Variants in LRRC37A2 observed in about 807,000 individuals in gnomAD.
LRRC37A2 encodes leucine-rich repeat-containing protein 37A2.
LRRC37A2 carries 9 observed loss-of-function variants against 68.8 expected under a neutral mutation model. The ratio of observed to expected loss-of-function variants is 0.13; its 90% CI spans 0.08 to 0.23. The LOEUF is 0.23. Ranked by LOEUF, LRRC37A2 falls within the 10% of genes least tolerant of loss-of-function variation. The probability of loss-of-function intolerance (pLI) is 1.00; values close to 1 mark genes in which losing one functional copy is unlikely to be tolerated. For missense variants in LRRC37A2, 168 were observed against 950.4 expected (o/e 0.18, Z 10.82); for synonymous variants, 63 against 367.6 (o/e 0.17, Z 9.48).
the LRRC37A2 span, among the ~76,000 whole-genome samples, chr17:46,954,754 T>C: frequency 6.6e-6 from 1 of 152,234 alleles, no homozygotes; most frequent in Non-Finnish European, 1.5e-5. Context: ...CCCTTGTAAA[T>C]TGGATTCCTA....
chr17:46,789,536 A>G, the LRRC37A2 span, among the ~76,000 whole-genome samples: 2 of 152,320 alleles, frequency 1.3e-5, no homozygotes, highest in African/African-American at 2.4e-5. Context: ...AACCTTCCCT[A>G]TGATGTTCTT....
chr17:46,798,333 C>T, the LRRC37A2 span, among the ~76,000 whole-genome samples: 2 of 152,286 alleles, frequency 1.3e-5, no homozygotes, highest in Admixed American at 6.5e-5. Context: ...CAGATGGACA[C>T]GACGGCCTAG....
chr17:46,723,165 T>C, the LRRC37A2 span, among the ~76,000 whole-genome samples: 2 of 152,210 alleles, frequency 1.3e-5, no homozygotes, highest in African/African-American at 4.8e-5. Context: ...TGCAGCCATA[T>C]AAGCTGTACA....
At chr17:47,015,690 G>C in the LRRC37A2 span, among the ~76,000 whole-genome samples, 2 of 152,194 alleles carry the variant, frequency 1.3e-5, no homozygotes, top group Non-Finnish European at 2.9e-5. Context: ...TATCATTTCA[G>C]TGGGAACTTA....
the LRRC37A2 span, among the ~76,000 whole-genome samples, chr17:46,982,009 A>G: frequency 2.0e-5 from 3 of 152,224 alleles, no homozygotes; most frequent in Admixed American, 1.3e-4. Context: ...CAAAATTATC[A>G]CTTTAAAGAT....
the LRRC37A2 span, chr17:46,932,018 C>G: frequency 3.1e-6 from 5 of 1,591,818 alleles, no homozygotes; most frequent in Admixed American, 8.3e-5. Context: ...CCCTCAGATT[C>G]TGCTGCCCTG....
chr17:47,023,997 C>A, the LRRC37A2 span, among the ~76,000 whole-genome samples: 1 of 152,126 alleles, frequency 6.6e-6, no homozygotes, highest in Non-Finnish European at 1.5e-5. Flanking sequence ...CACACTGGGG[C>A]TTCTGGAAAG....
chr17:46,712,583 T>C, the LRRC37A2 span, among the ~76,000 whole-genome samples: 1 of 152,190 alleles, frequency 6.6e-6, no homozygotes, highest in South Asian at 2.1e-4. Flanking sequence ...ATAGGAGAAG[T>C]AAATCGGAAA....
chr17:46,907,226 C>T, the LRRC37A2 span, among the ~76,000 whole-genome samples: 1 of 152,206 alleles, frequency 6.6e-6, no homozygotes, highest in Non-Finnish European at 1.5e-5. Flanking sequence ...TCTGATGCCT[C>T]TATGAGCCAC....
the LRRC37A2 span, chr17:46,872,834 G>A: frequency 6.7e-7 from 1 of 1,492,096 alleles, no homozygotes. Flanking sequence ...GGAGGAGGAG[G>A]CTGGGAGAGG....
At chr17:46,886,911 G>A in the LRRC37A2 span, among the ~76,000 whole-genome samples, 2 of 152,128 alleles carry the variant, frequency 1.3e-5, no homozygotes, top group Non-Finnish European at 2.9e-5. Flanking sequence ...CCACCTCCTA[G>A]GTTCAAGCAA....
chr17:46,835,404 G>A, the LRRC37A2 span, among the ~76,000 whole-genome samples: 2 of 151,966 alleles, frequency 1.3e-5, no homozygotes, highest in Admixed American at 1.3e-4. Flanking sequence ...TTAGAGACAG[G>A]GTTTCACCGT....
the LRRC37A2 span, among the ~76,000 whole-genome samples, chr17:46,778,803 C>A: frequency 1.3e-5 from 2 of 152,034 alleles, no homozygotes; most frequent in African/African-American, 4.8e-5. Flanking sequence ...ACTGCCCGGC[C>A]CCCGGCAACC....
At chr17:47,025,548 A>G in the LRRC37A2 span, among the ~76,000 whole-genome samples, 1 of 152,156 alleles carries the variant, frequency 6.6e-6, no homozygotes, top group Non-Finnish European at 1.5e-5. Flanking sequence ...TACCCTAAGA[A>G]GCACATCAGA....
chr17:46,770,161 G>A, the LRRC37A2 span: 10 of 1,382,222 alleles, frequency 7.2e-6, no homozygotes, highest in African/African-American at 8.7e-5. Flanking sequence ...GAGTTGAAGA[G>A]CTCACCAGCC....
At chr17:46,755,487 G>A in the LRRC37A2 span, 6 of 931,128 alleles carry the variant, frequency 6.4e-6, no homozygotes, top group East Asian at 2.6e-5. Flanking sequence ...TGAATTCTTC[G>A]CTGTGTTGTA....
At chr17:46,864,806 C>A in the LRRC37A2 span, among the ~76,000 whole-genome samples, 1 of 151,464 alleles carries the variant, frequency 6.6e-6, no homozygotes, top group Non-Finnish European at 1.5e-5. Flanking sequence ...ACCAATCTTG[C>A]ATGAATTTGT....
the LRRC37A2 span, among the ~76,000 whole-genome samples, chr17:46,896,700 C>T: frequency 2.0e-5 from 3 of 152,188 alleles, no homozygotes; most frequent in African/African-American, 7.2e-5. Flanking sequence ...GACAGCTTGG[C>T]CCTGCCTATT....
the LRRC37A2 span, chr17:46,876,224 T>A: frequency 1.1e-5 from 17 of 1,583,394 alleles, no homozygotes; most frequent in Non-Finnish European, 1.5e-5. Flanking sequence ...TGACCACGCC[T>A]CTGTTCTGCC....
Sources: allele counts gnomAD v4.1 joint callset (sites outside exome capture counted in the v4.1 genomes callset), GRCh38; gene constraint gnomAD v4.1.1; transcripts MANE v1.5; gene names NCBI Gene and HGNC (gene_info 2026-07-23, HGNC 2026-07-21).